Variants in BTN2A2 observed in about 807,000 individuals in gnomAD.
BTN2A2 encodes butyrophilin 2.
A neutral mutation model predicts 34.7 loss-of-function variants in BTN2A2; 29 were observed. That is an observed-to-expected ratio of 0.84 (90% CI 0.62 to 1.14). The LOEUF (loss-of-function observed/expected upper bound fraction) is 1.14, where lower values mean the gene tolerates loss of function less well. Among genes scored for constraint, BTN2A2 ranks in the 50% most tolerant of loss-of-function variants. BTN2A2 has a pLI of 0.00. For synonymous variants in BTN2A2, 240 were observed against 253.1 expected (o/e 0.95, Z 0.49); for missense variants, 612 against 651.5 (o/e 0.94, Z 0.66).
At chr6:26,388,426 C>A (rs765071743) in intron 4 of BTN2A2, 132 bp downstream of exon 4, 10 of 1,076,962 alleles carry the variant, frequency 9.3e-6, no homozygotes, top group Non-Finnish European at 1.4e-5. Context: ...GAGGCTGCAG[C>A]TGAGTTGAGA....
At chr6:26,390,533 A>T in intron 5 of BTN2A2, 154 bp from the exon 6 acceptor site, 2 of 947,560 alleles carry the variant, frequency 2.1e-6, no homozygotes, top group African/African-American at 1.6e-5. Flanking sequence ...ATCTGATCAT[A>T]CATCATTGCT....
Position 26,384,441 on chromosome 6 carries a change from C to T in BTN2A2, c.94+526C>T, listed in dbSNP as rs12664899. ...GCAATTACAGGCGCAAGACCCTGTG[C>T]CTATTCTACTTTTTATTTTAAAAGG... On this transcript the variant is annotated intron_variant, in intron 2 of 7. Transcript: ENST00000356709. This position sits in a 1 kb window ranked among gnomAD's most constrained non-coding sequence, Gnocchi z 4.0. Among the ~76,000 whole-genome samples, 19,391 of 152,126 alleles carry T rather than the reference C, an allele frequency of 0.13. 1,306 individuals are homozygous for T. The highest frequency in any genetic ancestry group is 0.17 in the South Asian group (831 of 4,820).
rs543179828 is a variant in BTN2A2, at chr6:26,392,731, G to C, written c.1336G>C (p.Val446Leu). The change falls in exon 8 of 8, where the codon GTG becomes CTG. Residue 446 changes from valine (V) to leucine (L), a missense_variant. By Grantham distance (32) the Val-to-Leu change is conservative (BLOSUM62 1). Transcript: ENST00000356709. ...CCCTTTGAAGGAGTCCCTTTGCCGG[G>C]TGGGCGTCTTCCTGGACTATGAAGC... is the stretch of plus-strand genomic sequence containing the variant. ...ILPLKESLCR[V>L]GVFLDYEAGD... The C allele has an allele frequency of 1.9e-6, 3 of 1,614,218 alleles. No homozygotes were observed. Among genetic ancestry groups the C allele is most frequent in the East Asian group, 2.2e-5 (1 of 44,882 alleles).
intron 4 of BTN2A2, among the ~76,000 whole-genome samples, chr6:26,389,451 A>C (rs762806380): frequency 6.6e-6 from 1 of 152,148 alleles, no homozygotes; most frequent in Non-Finnish European, 1.5e-5. Context: ...GACTCCCAGG[A>C]GGTGATGCTG....
rs1478845546 is a variant in BTN2A2 at position 26,384,810 on chromosome 6, G to A, written c.95-205G>A. Among the ~76,000 whole-genome samples the A allele has an allele frequency of 6.6e-6, 1 of 152,210 alleles. No homozygotes were observed. Among genetic ancestry groups the A allele is most frequent in the Admixed American group, 6.5e-5 (1 of 15,288 alleles). ...AGCAGGAGCAGCCTCAATAGTTACT[G>A]CTCCCAGGGGTTGGTGCTGCCGACC... On this transcript the variant is annotated intron_variant, in intron 2 of 7. Transcript: ENST00000356709. This position sits in a 1 kb window ranked among gnomAD's most constrained non-coding sequence, Gnocchi z 4.0.
In BTN2A2 at chr6:26,383,567, T is replaced by G; in HGVS notation, c.-30-225T>G. The G allele has an allele frequency of 8.8e-6, 4 of 454,708 alleles. No homozygotes were observed. Among genetic ancestry groups the G allele is most frequent in the South Asian group, 3.1e-5 (1 of 31,790 alleles). The allele number at this position is 454,708 out of a possible 1,614,324, so 28.2% of individuals were successfully genotyped here. A position where few individuals can be genotyped will look rare whatever the true frequency, so the allele number is the denominator to read the frequency against. On this transcript the variant is annotated intron_variant, in intron 1 of 7. Transcript: ENST00000356709. The surrounding 1 kb of genome is among the most constrained non-coding windows in gnomAD (Gnocchi z 4.4). Reference sequence around the variant, plus strand: ...AGAAACCGGACTGTGGCCCGAGAAGTGGGAAGAGGAAGGAGGAAAACGGCC... The same window carrying G: ...AGAAACCGGACTGTGGCCCGAGAAGGGGGAAGAGGAAGGAGGAAAACGGCC...
In BTN2A2 at chr6:26,392,590, T is replaced by C. The variant is rs1761660596; in HGVS notation, c.1195T>C (p.Cys399Arg). 1 of 1,614,162 alleles carries C rather than the reference T, an allele frequency of 6.2e-7. No individual in the cohort carries two copies. The highest frequency in any genetic ancestry group is 8.5e-7 in the Non-Finnish European group (1 of 1,180,008). Residue 399 changes from cysteine (C) to arginine (R), a missense_variant, in exon 8 of 8, where the codon TGC (cysteine) becomes CGC (arginine). Physicochemically the swap from Cys to Arg is radical, Grantham distance 180 (BLOSUM62 -3). Transcript: ENST00000356709. ...ENVMVWTVGV[C>R]RHSVERKGEV... Reference sequence around the variant, plus strand: ...CGTGATGGTGTGGACTGTGGGGGTCTGCAGACACAGTGTTGAGAGGAAAGG... The same window carrying C: ...CGTGATGGTGTGGACTGTGGGGGTCCGCAGACACAGTGTTGAGAGGAAAGG...
Position 26,392,687 on chromosome 6 carries a change from C to T in BTN2A2, c.1292C>T (p.Ser431Phe), listed in dbSNP as rs1027061479. 11 of 1,614,092 alleles carry T rather than the reference C, an allele frequency of 6.8e-6. No homozygotes were observed. Among genetic ancestry groups the T allele is most frequent in the African/African-American group, 1.3e-5 (1 of 74,922 alleles). Residue 431 changes from serine (S) to phenylalanine (F), a missense_variant, in exon 8 of 8, where the codon TCC (serine) becomes TTC (phenylalanine). Transcript: ENST00000356709. ...EMFGNQYRAL[S>F]SPERILPLKE... is the part of the protein sequence containing the mutation. ...TTTGGAAACCAATACCGGGCCCTGTCCTCCCCTGAGAGGATTCTCCCTTTG... is the reference window on the plus strand; with the variant it reads ...TTTGGAAACCAATACCGGGCCCTGTTCTCCCCTGAGAGGATTCTCCCTTTG...
chr6:26,390,586 G>T (rs1761513724), intron 5 of BTN2A2, 101 bp from the exon 6 acceptor site: 6 of 1,418,420 alleles, frequency 4.2e-6, no homozygotes, highest in Non-Finnish European at 6.0e-6. Flanking sequence ...GGTGATGTTG[G>T]TGTTCATAGA....
intron 3 of BTN2A2, among the ~76,000 whole-genome samples, chr6:26,387,346 C>T (rs1238298815): frequency 2.0e-5 from 3 of 152,308 alleles, no homozygotes; most frequent in East Asian, 3.9e-4. Flanking sequence ...CTCCTAAAAA[C>T]CATCACCTCC....
intron 4 of BTN2A2, 73 bp downstream of exon 4, chr6:26,388,367 G>A (rs1210451369): frequency 3.9e-6 from 6 of 1,554,866 alleles, no homozygotes; most frequent in Non-Finnish European, 5.3e-6. Context: ...CCCAGAGCGG[G>A]AATGGGGGCA....
Position 26,388,152 on chromosome 6 carries a change from G to A in BTN2A2, c.582G>A (p.Lys194=), listed in dbSNP as rs372854548. 1.5e-5 allele frequency: 24 copies of A among 1,614,088 alleles called. No homozygotes were observed. The highest frequency in any genetic ancestry group is 1.9e-5 in the Non-Finnish European group (23 of 1,180,032). The change falls in exon 4 of 8, where the codon AAG becomes AAA. Residue 194 remains lysine, a synonymous_variant. Transcript: ENST00000356709. The part of the protein sequence containing the change: ...DPYGEVVPAL[K]EVSIADADGL... ...ACGGTGAGGTTGTGCCCGCCCTGAA[G>A]GAGGTTTCCATCGCTGATGCTGACG... is the stretch of plus-strand genomic sequence containing the variant.
chr6:26,393,667 A>C lies in BTN2A2; in HGVS notation c.*700A>C. 5 of 991,806 alleles carry C rather than the reference A, an allele frequency of 5.0e-6. No individual in the cohort carries two copies. The highest frequency in any genetic ancestry group is 6.0e-6 in the Non-Finnish European group (5 of 834,118). 61.4% of individuals were successfully genotyped at this position (991,806 alleles called of 1,614,324 possible). On this transcript the variant is annotated 3_prime_UTR_variant, in exon 8 of 8. Coordinates refer to ENST00000356709, the MANE Select transcript of BTN2A2 (RefSeq NM_006995.5). ...ACAAGGGGTCAGTACTTAGTCCCTG[A>C]GTGTGGTTGAGGTTTGAGGTCCTGG... is the stretch of plus-strand genomic sequence containing the variant.
At chr6:26,389,942 AG>A in intron 4 of BTN2A2, 62 bp from the exon 5 acceptor site, 1 of 1,522,738 alleles carries the variant, frequency 6.6e-7, no homozygotes, top group Admixed American at 1.8e-5. Flanking sequence ...ATGTGCTCTT[AG>A]GGGCACTCTC....
Position 26,385,002 on chromosome 6 carries a change from C to G in BTN2A2, c.95-13C>G. 6.2e-7 allele frequency: 1 copy of G among 1,606,808 alleles called. No individual in the cohort carries two copies. Among genetic ancestry groups the G allele is most frequent in the Non-Finnish European group, 8.5e-7 (1 of 1,174,142 alleles). The stretch of plus-strand genomic sequence containing the variant: ...AACTGGCATCCTTGTCTGATTCTGC[C>G]CTTGTTGAACAGCCCAGTTTACTGT... On this transcript the variant is annotated splice_polypyrimidine_tract_variant and intron_variant, in intron 2 of 7. Transcript: ENST00000356709.
At position 26,383,772 on chromosome 6, in the gene BTN2A2, C is replaced by T; in HGVS notation, c.-30-20C>T. 1 of 1,576,920 alleles carries T rather than the reference C, an allele frequency of 6.3e-7. No homozygotes were observed. The highest frequency in any genetic ancestry group is 8.7e-7 in the Non-Finnish European group (1 of 1,146,496). On this transcript the variant is annotated intron_variant, in intron 1 of 7. Transcript: ENST00000356709. This position sits in a 1 kb window ranked among gnomAD's most constrained non-coding sequence, Gnocchi z 4.4. ...AGGTGCCAAGACTCCTAGGCTGATT[C>T]TCCTCCTCTGTAACCCTAGGCCTCT...
Position 26,393,642 on chromosome 6 carries a change from A to G in BTN2A2, c.*675A>G. 1.0e-6 allele frequency: 1 copy of G among 997,672 alleles called. No homozygotes were observed. The highest frequency in any genetic ancestry group is 1.7e-5 in the African/African-American group (1 of 57,422). 61.8% of individuals were successfully genotyped at this position (997,672 alleles called of 1,614,324 possible). ...TTTGGCTCAGATGTCCCTGCAATAA[A>G]CAAGGGGTCAGTACTTAGTCCCTGA... On this transcript the variant is annotated 3_prime_UTR_variant, in exon 8 of 8. Coordinates refer to ENST00000356709, the MANE Select transcript of BTN2A2 (RefSeq NM_006995.5).
In BTN2A2 at chr6:26,394,171, T is replaced by C; in HGVS notation, c.*1204T>C. 1 of 589,148 alleles carries C rather than the reference T, an allele frequency of 1.7e-6. No individual in the cohort carries two copies. The highest frequency in any genetic ancestry group is 3.0e-6 in the Non-Finnish European group (1 of 329,558). The allele number at this position is 589,148 out of a possible 1,614,324, so 36.5% of individuals were successfully genotyped here. A position where few individuals can be genotyped will look rare whatever the true frequency, so the allele number is the denominator to read the frequency against. On this transcript the variant is annotated 3_prime_UTR_variant, in exon 8 of 8. Transcript: ENST00000356709. ...GATTAATGTTTCATTATTATTATTG[T>C]GAAAATATTATTAACACTGGGGACT...
At chr6:26,391,901 G>A (rs1761600997) in intron 7 of BTN2A2, 1 of 303,260 alleles carries the variant, frequency 3.3e-6, no homozygotes, top group East Asian at 7.4e-5. Flanking sequence ...CCAACGAAGA[G>A]GTCCTTCACC....
Sources: allele counts gnomAD v4.1 joint callset (sites outside exome capture counted in the v4.1 genomes callset), GRCh38; gene constraint gnomAD v4.1.1; non-coding constraint Gnocchi (gnomAD v3.1); transcripts MANE v1.5; gene names NCBI Gene and HGNC (gene_info 2026-07-23, HGNC 2026-07-21).